PCSK6: variants seen among roughly 807,000 people sequenced by gnomAD.
PCSK6 encodes paired basic amino acid cleaving enzyme 4.
PCSK6 carries 85 observed loss-of-function variants against 123.3 expected under a neutral mutation model. That is an observed-to-expected ratio of 0.69 (90% CI 0.58 to 0.83). The LOEUF (loss-of-function observed/expected upper bound fraction) is 0.83. Ranked by LOEUF, PCSK6 falls within the 40% of genes least tolerant of loss-of-function variation. The probability of loss-of-function intolerance (pLI) is 0.00; values close to 1 mark genes in which losing one functional copy is unlikely to be tolerated. For synonymous variants in PCSK6, 508 were observed against 516.0 expected, an observed-to-expected ratio of 0.98 and a Z score of 0.21; for missense variants, 1,191 against 1,282.3, an observed-to-expected ratio of 0.93 and a Z score of 1.09.
chr15:101,332,271 C>A (rs550450350), intron 13 of PCSK6, among the ~76,000 whole-genome samples: 1 of 152,340 alleles, frequency 6.6e-6, no homozygotes, highest in East Asian at 1.9e-4. Flanking sequence ...AGCTGCCCTC[C>A]GCTTCCTGTC....
In PCSK6 at chr15:101,489,696, C is replaced by T. The variant is rs1291384803; in HGVS notation, c.-26G>A. 7.0e-5 allele frequency: 67 copies of T among 956,124 alleles called. No individual in the cohort carries two copies. In the Middle Eastern group the frequency reaches 3.2e-3, roughly 46 times the overall value. The allele number at this position is 956,124 out of a possible 1,614,324, so 59.2% of individuals were successfully genotyped here. Reference sequence around the variant, plus strand: ...AGCGGCGACAGGCTCGCGCGGCGCCCGAGCTGCGAGTGCGCCGGGGGGTGG... The same window carrying T: ...AGCGGCGACAGGCTCGCGCGGCGCCTGAGCTGCGAGTGCGCCGGGGGGTGG... On this transcript the variant is annotated 5_prime_UTR_variant, in exon 1 of 22. Transcript: ENST00000611716.
Position 101,432,087 on chromosome 15 carries a change from T to A in PCSK6, c.416A>T (p.Gln139Leu), listed in dbSNP as rs2056465039. 1 of 1,613,318 alleles carries A rather than the reference T, an allele frequency of 6.2e-7. No homozygotes were observed. The highest frequency in any genetic ancestry group is 8.5e-7 in the Non-Finnish European group (1 of 1,179,638). The change falls in exon 3 of 22, where the codon CAG becomes CTG. Residue 139 changes from glutamine to leucine, a missense_variant. By Grantham distance (113) the Gln-to-Leu change is moderately radical (BLOSUM62 -2). This residue lies in a region of PCSK6 where 357 missense variants were observed against 484.5 expected (regional missense o/e 0.74). Coordinates refer to ENST00000611716, the MANE Select transcript of PCSK6 (RefSeq NM_002570.5). ...CACCCTTCGTTTCACTTCCTGTTGCTGGAGCCATTTCACCTACCAGAAGAA... is the reference window on the plus strand; with the variant it reads ...CACCCTTCGTTTCACTTCCTGTTGCAGGAGCCATTTCACCTACCAGAAGAA... ...LRMDPQVKWL[Q>L]QQEVKRRVKR...
intron 20 of PCSK6, among the ~76,000 whole-genome samples, chr15:101,310,603 C>T (rs867041865): frequency 5.9e-5 from 9 of 152,228 alleles, no homozygotes; most frequent in East Asian, 1.9e-4. Flanking sequence ...ACCTTGCAAG[C>T]GGGTGGCAAG....
chr15:101,467,278 T>C (rs2057486312), intron 1 of PCSK6, among the ~76,000 whole-genome samples: 1 of 151,404 alleles, frequency 6.6e-6, no homozygotes, highest in Non-Finnish European at 1.5e-5. Context: ...ACAATTCTTT[T>C]TTTTTTTTTT....
chr15:101,430,394 C>T (rs1379494206), intron 4 of PCSK6, among the ~76,000 whole-genome samples: 1 of 152,194 alleles, frequency 6.6e-6, no homozygotes, highest in Non-Finnish European at 1.5e-5. Context: ...TGGCAACCCC[C>T]ACTCCACCTT....
intron 6 of PCSK6, among the ~76,000 whole-genome samples, chr15:101,424,310 C>G (rs1443376676): frequency 2.0e-5 from 3 of 150,448 alleles, no homozygotes; most frequent in Non-Finnish European, 4.4e-5. Flanking sequence ...TGGCAATTAA[C>G]AATCGACTCA....
intron 12 of PCSK6, among the ~76,000 whole-genome samples, chr15:101,366,871 T>C (rs1261998844): frequency 6.6e-6 from 1 of 152,248 alleles, no homozygotes; most frequent in Non-Finnish European, 1.5e-5. Context: ...GCCAGCTGTG[T>C]GCACTGTTCT....
chr15:101,352,241 G>A (rs1309043623), intron 13 of PCSK6, among the ~76,000 whole-genome samples: 2 of 142,420 alleles, frequency 1.4e-5, no homozygotes, highest in Non-Finnish European at 3.0e-5. Context: ...TCTGCCTCCC[G>A]GGTTCATGCC....
At chr15:101,421,551 T>C (rs1459773659) in intron 6 of PCSK6, among the ~76,000 whole-genome samples, 1 of 152,170 alleles carries the variant, frequency 6.6e-6, no homozygotes, top group Non-Finnish European at 1.5e-5. Context: ...AATCACTTGT[T>C]ATAAAGAAAG....
intron 1 of PCSK6, among the ~76,000 whole-genome samples, chr15:101,482,069 T>C (rs1400179004): frequency 1.3e-5 from 2 of 152,268 alleles, no homozygotes; most frequent in South Asian, 2.1e-4. Context: ...GAGGTTGCTA[T>C]GCCTCTTGTC....
chr15:101,436,894 C>T (rs921498695), intron 2 of PCSK6, among the ~76,000 whole-genome samples: 5 of 152,186 alleles, frequency 3.3e-5, no homozygotes, highest in African/African-American at 1.2e-4. Context: ...GACAAGTGCC[C>T]GTCACTGCAT....
At chr15:101,329,404 C>T (rs1214800915) in intron 15 of PCSK6, among the ~76,000 whole-genome samples, 1 of 152,192 alleles carries the variant, frequency 6.6e-6, no homozygotes, top group Non-Finnish European at 1.5e-5. Context: ...GTATCGGACC[C>T]GAGAGGCATG....
chr15:101,373,476 C>T lies in PCSK6; in HGVS notation c.1533-2953G>A, dbSNP rs183633420. Among the ~76,000 whole-genome samples the T allele has an allele frequency of 2.0e-3, 304 of 152,310 alleles. 2 individuals carry two copies. Among genetic ancestry groups the T allele is most frequent in the Non-Finnish European group, 1.6e-3 (106 of 68,034 alleles). On this transcript the variant is annotated intron_variant, in intron 11 of 21. Transcript: ENST00000611716. ...CCAGGACAGCTACTATAGGAGGGCACGCTGCCACCTTCCTGACATGCAGTT... is the reference window on the plus strand; with the variant it reads ...CCAGGACAGCTACTATAGGAGGGCATGCTGCCACCTTCCTGACATGCAGTT...
chr15:101,455,389 T>C (rs986934339), intron 1 of PCSK6, among the ~76,000 whole-genome samples: 1 of 152,214 alleles, frequency 6.6e-6, no homozygotes, highest in African/African-American at 2.4e-5. Flanking sequence ...CCCCTCTCTA[T>C]TGTGTGGTTT....
chr15:101,310,757 G>A (rs932101714), intron 20 of PCSK6, among the ~76,000 whole-genome samples: 6 of 152,172 alleles, frequency 3.9e-5, no homozygotes, highest in Admixed American at 3.3e-4. Flanking sequence ...GTTTCTAGGG[G>A]AATAGGTTAC....
intron 20 of PCSK6, chr15:101,312,917 G>A: frequency 2.2e-6 from 1 of 461,122 alleles, no homozygotes; most frequent in Non-Finnish European, 3.0e-6. Flanking sequence ...AGGCATGAGA[G>A]TTGCTTGAAT....
Position 101,364,935 on chromosome 15 carries a change from A to G in PCSK6, c.1858+1261T>C. 4.0e-6 allele frequency: 3 copies of G among 756,814 alleles called. No individual in the cohort carries two copies. The East Asian group carries it at 7.3e-5, about 18-fold the overall frequency. 46.9% of individuals were successfully genotyped at this position (756,814 alleles called of 1,614,324 possible). Reference sequence around the variant, plus strand: ...ACAAAGCTACAGTGATCAAAACAATATGGTACTGACTCCAAGATAGATATA... The same window carrying G: ...ACAAAGCTACAGTGATCAAAACAATGTGGTACTGACTCCAAGATAGATATA... On this transcript the variant is annotated intron_variant, in intron 13 of 21. Coordinates refer to ENST00000611716, the MANE Select transcript of PCSK6 (RefSeq NM_002570.5).
intron 13 of PCSK6, chr15:101,365,163 C>T (rs2041350851): frequency 1.9e-6 from 1 of 523,350 alleles, no homozygotes; most frequent in African/African-American, 1.8e-5. Flanking sequence ...GATCAAAGTC[C>T]TACATGTAAG....
At chr15:101,488,941 G>A (rs1255219179) in intron 1 of PCSK6, among the ~76,000 whole-genome samples, 3 of 150,006 alleles carry the variant, frequency 2.0e-5, no homozygotes, top group African/African-American at 7.3e-5. Flanking sequence ...GAGGGCAGAG[G>A]GGCCGCTCCC....
Sources: allele counts gnomAD v4.1 joint callset (sites outside exome capture counted in the v4.1 genomes callset), GRCh38; gene constraint gnomAD v4.1.1; regional missense constraint gnomAD v4.1.1; transcripts MANE v1.5; gene names NCBI Gene and HGNC (gene_info 2026-07-23, HGNC 2026-07-21).